APPL2: variants seen among roughly 807,000 people sequenced by gnomAD.
The protein encoded by APPL2 is adaptor protein, phosphotyrosine interacting with PH domain and leucine zipper 2.
APPL2 carries 84 observed loss-of-function variants against 92.7 expected under a neutral mutation model. The observed-to-expected ratio is 0.91, with a 90% CI of 0.76 to 1.09. The LOEUF (loss-of-function observed/expected upper bound fraction) is 1.09. Ranked by LOEUF, APPL2 falls within the 50% of genes least tolerant of loss-of-function variation. The pLI is 0.00. For missense variants in APPL2, 736 were observed against 824.5 expected (o/e 0.89, Z 1.31); for synonymous variants, 291 against 291.0 (o/e 1.00, Z 0.00).
intron 17 of APPL2, among the ~76,000 whole-genome samples, chr12:105,186,557 A>G (rs1886624398): frequency 6.7e-6 from 1 of 150,186 alleles, no homozygotes; most frequent in African/African-American, 2.5e-5. Flanking sequence ...CCCACCAGCA[A>G]TGGGTTCCAG....
chr12:105,198,868 C>T (rs969657942), intron 10 of APPL2, among the ~76,000 whole-genome samples: 1 of 152,252 alleles, frequency 6.6e-6, no homozygotes, highest in Non-Finnish European at 1.5e-5. Flanking sequence ...ATCCTCTCTG[C>T]TCACAGAAAT....
intron 2 of APPL2, among the ~76,000 whole-genome samples, chr12:105,224,649 G>A (rs993613439): frequency 3.3e-4 from 50 of 152,286 alleles, no homozygotes; most frequent in African/African-American, 1.2e-3. Context: ...CCCCTCTGTT[G>A]TGAAAGCTGA....
intron 2 of APPL2, among the ~76,000 whole-genome samples, chr12:105,225,393 C>A (rs1366875934): frequency 6.6e-6 from 1 of 152,112 alleles, no homozygotes; most frequent in Non-Finnish European, 1.5e-5. Flanking sequence ...TCACTGTAAG[C>A]CCCTAACAAA....
chr12:105,228,053 A>C (rs527660624), intron 2 of APPL2, among the ~76,000 whole-genome samples: 23 of 152,278 alleles, frequency 1.5e-4, no homozygotes, highest in Middle Eastern at 3.4e-3. Context: ...TCAGCTCCCC[A>C]ACGGCAAGGA....
At chr12:105,178,066 C>CTAA (rs1184116364) in intron 17 of APPL2, among the ~76,000 whole-genome samples, 2 of 152,188 alleles carry the variant, frequency 1.3e-5, no homozygotes, top group Admixed American at 1.3e-4. Flanking sequence ...GCTGGGATTA[C>CTAA]AGGCATGAAC....
Position 105,228,975 on chromosome 12 carries a change from G to A in APPL2, c.153+150C>T, listed in dbSNP as rs1315116683. 6 of 658,844 alleles carry A rather than the reference G, an allele frequency of 9.1e-6. No homozygotes were observed. The African/African-American group carries it at 9.2e-5, about 10-fold the overall frequency. 40.8% of individuals were successfully genotyped at this position (658,844 alleles called of 1,614,324 possible). On this transcript the variant is annotated intron_variant, in intron 2 of 20. Transcript: ENST00000258530. ...GAACAGACTGTCCTTAGGTTTTTGA[G>A]GTGAAAAGTAGTGAGAAAACAGTTC...
chr12:105,229,291 T>G (rs1212565949), intron 1 of APPL2, 68 bp from the exon 2 acceptor site: 10 of 1,389,736 alleles, frequency 7.2e-6, no homozygotes, highest in Non-Finnish European at 7.0e-6. Flanking sequence ...AGGAGGAAGA[T>G]CCACACACCC....
intron 1 of APPL2, chr12:105,235,201 A>C (rs1891159199): frequency 6.6e-6 from 1 of 152,238 alleles, no homozygotes; most frequent in Non-Finnish European, 1.5e-5. Context: ...AAGGAGAACA[A>C]AAGACCCCTG....
In APPL2 at chr12:105,174,573, C is replaced by A. The variant is rs917255328; in HGVS notation, c.1861-125G>T. The stretch of plus-strand genomic sequence containing the variant: ...TTCTCCTGACTCTTGTGTATATGTG[C>A]CTTCCGCTGAGTCTCCTTGCTTCTC... On this transcript the variant is annotated intron_variant, in intron 20 of 20. Transcript: ENST00000258530. The A allele has an allele frequency of 7.1e-6, 7 of 982,746 alleles. No individual in the cohort carries two copies. In the Admixed American group the frequency reaches 1.2e-4, roughly 18 times the overall value. The allele number at this position is 982,746 out of a possible 1,614,324, so 60.9% of individuals were successfully genotyped here.
chr12:105,207,350 A>G lies in APPL2; in HGVS notation c.475-143T>C, dbSNP rs962202610. 2.7e-5 allele frequency: 24 copies of G among 899,506 alleles called. No homozygotes were observed. The South Asian group carries it at 4.2e-4, about 16-fold the overall frequency. 55.7% of individuals were successfully genotyped at this position (899,506 alleles called of 1,614,324 possible). On this transcript the variant is annotated intron_variant, in intron 7 of 20. Transcript: ENST00000258530. The stretch of plus-strand genomic sequence containing the variant: ...AAAACACAGATAAGGCTGCACTTCA[A>G]CTTTCTAAAAAATCCAAATTAAAAA...
Position 105,217,155 on chromosome 12 carries a change from T to C in APPL2, c.214-15A>G. On this transcript the variant is annotated splice_polypyrimidine_tract_variant and intron_variant, in intron 3 of 20. Coordinates refer to ENST00000258530, the MANE Select transcript of APPL2 (RefSeq NM_018171.5). ...AGAGCAAAGTTCTAAGACCAAAGAATAAAAGAAGCAGGTGTTAAGTGAATA... is the reference window on the plus strand; with the variant it reads ...AGAGCAAAGTTCTAAGACCAAAGAACAAAAGAAGCAGGTGTTAAGTGAATA... 3.2e-6 allele frequency: 5 copies of C among 1,583,850 alleles called. No individual in the cohort carries two copies. Among genetic ancestry groups the C allele is most frequent in the Non-Finnish European group, 4.3e-6 (5 of 1,160,364 alleles).
chr12:105,218,783 T>C (rs972264865), intron 2 of APPL2, among the ~76,000 whole-genome samples: 9 of 152,130 alleles, frequency 5.9e-5, no homozygotes, highest in African/African-American at 1.9e-4. Context: ...CAATGATGGA[T>C]GGTAACAGAA....
chr12:105,183,241 A>T (rs1390881969), intron 17 of APPL2, among the ~76,000 whole-genome samples: 2 of 152,084 alleles, frequency 1.3e-5, no homozygotes, highest in African/African-American at 4.8e-5. Context: ...TAATTGGGGC[A>T]TTTAGCCTGT....
chr12:105,211,776 C>G (rs955739793), intron 4 of APPL2, among the ~76,000 whole-genome samples: 2 of 152,206 alleles, frequency 1.3e-5, no homozygotes, highest in Non-Finnish European at 2.9e-5. Flanking sequence ...GAAACCTACT[C>G]GCCTGAAAAC....
chr12:105,178,306 A>T (rs1260573137), intron 17 of APPL2, among the ~76,000 whole-genome samples: 2 of 152,194 alleles, frequency 1.3e-5, no homozygotes, highest in Non-Finnish European at 2.9e-5. Flanking sequence ...GTTTGTGGAA[A>T]AAATGGTTAT....
At chr12:105,219,882 C>A (rs777461892) in intron 2 of APPL2, among the ~76,000 whole-genome samples, 3 of 152,244 alleles carry the variant, frequency 2.0e-5, no homozygotes, top group Non-Finnish European at 4.4e-5. Context: ...TTCCTGAGGG[C>A]AGCACCATGT....
chr12:105,203,712 A>G lies in APPL2; in HGVS notation c.695T>C (p.Met232Thr), dbSNP rs769148219. ...CGGAGTGCAGCATTACCTTTGAACC[A>G]TGTCTGCAACGGAGGATAAAAAGCT... ...MDSFLSSVADMVQSIQVELEA... is the reference protein window; with the variant it reads ...MDSFLSSVADTVQSIQVELEA... The change falls in exon 9 of 21, where the codon ATG (methionine) becomes ACG (threonine). Residue 232 changes from methionine to threonine, a missense_variant. Coordinates refer to ENST00000258530, the MANE Select transcript of APPL2 (RefSeq NM_018171.5). 6.2e-7 allele frequency: 1 copy of G among 1,614,202 alleles called. No individual in the cohort carries two copies. The highest frequency in any genetic ancestry group is 8.5e-7 in the Non-Finnish European group (1 of 1,179,990).
intron 14 of APPL2, among the ~76,000 whole-genome samples, chr12:105,193,235 C>G (rs553206230): frequency 2.5e-4 from 38 of 152,282 alleles, no homozygotes; most frequent in African/African-American, 6.5e-4. Flanking sequence ...TAAATATAGG[C>G]TGCAAATTGT....
Position 105,211,302 on chromosome 12 carries a change from T to C in APPL2, c.301A>G (p.Thr101Ala), listed in dbSNP as rs921142367. The C allele has an allele frequency of 6.2e-6, 10 of 1,612,322 alleles. No individual in the cohort carries two copies. Among genetic ancestry groups the C allele is most frequent in the Admixed American group, 1.7e-5 (1 of 59,996 alleles). The part of the protein sequence containing the change: ...KVVDELNLLH[T>A]ELAKQLADTM... The stretch of plus-strand genomic sequence containing the variant: ...TCTGCCAACTGTTTAGCCAGCTCTG[T>C]ATGGAGAAGATTAAGCTGAAAGAAA... Residue 101 changes from threonine to alanine, a missense_variant, in exon 5 of 21, where the codon ACA (threonine) becomes GCA (alanine). Transcript: ENST00000258530.
Sources: allele counts gnomAD v4.1 joint callset (sites outside exome capture counted in the v4.1 genomes callset), GRCh38; gene constraint gnomAD v4.1.1; transcripts MANE v1.5; gene names NCBI Gene and HGNC (gene_info 2026-07-23, HGNC 2026-07-21).